The following PLEKHA3 variants were observed in gnomAD, a reference collection of about 807,000 sequenced individuals.
PLEKHA3 encodes the protein pleckstrin homology domain containing A3.
A neutral mutation model predicts 39.2 loss-of-function variants in PLEKHA3; 19 were observed. The ratio of observed to expected loss-of-function variants is 0.48; its 90% CI spans 0.34 to 0.71. The LOEUF (loss-of-function observed/expected upper bound fraction) is 0.71. Among genes scored for constraint, PLEKHA3 ranks in the 30% least tolerant of loss-of-function variants. PLEKHA3 has a pLI of 0.01. For missense variants in PLEKHA3, 253 were observed against 359.5 expected (o/e 0.70, Z 2.40); for synonymous variants, 97 against 118.6 (o/e 0.82, Z 1.18).
At position 178,480,875 on chromosome 2, in the gene PLEKHA3, G is replaced by A. The variant is rs1685149398; in HGVS notation, c.6G>A (p.Glu2=). The change falls in exon 1 of 8, where the codon GAG becomes GAA. Residue 2 remains glutamate (E), a synonymous_variant. Coordinates refer to ENST00000234453, the MANE Select transcript of PLEKHA3 (RefSeq NM_019091.4). M[E]GVLYKWTNYL... ...GCGGTGTGGGGCTCTGAAGCATGGA[G>A]GGGGTGTTGTACAAGTGGACCAACT... The A allele has an allele frequency of 1.1e-5, 14 of 1,317,472 alleles. No homozygotes were observed. Among genetic ancestry groups the A allele is most frequent in the Non-Finnish European group, 1.2e-5 (12 of 1,024,714 alleles). 81.6% of individuals were successfully genotyped at this position (1,317,472 alleles called of 1,614,324 possible).
Position 178,495,613 on chromosome 2 carries a change from C to A in PLEKHA3, c.568C>A (p.His190Asn). ...KFKPEMFQLHHPDPLVSPVSP... is the reference protein window; with the variant it reads ...KFKPEMFQLHNPDPLVSPVSP... ...TAAACCTGAGATGTTTCAACTGCACCATCCGGATCCCTTAGTTTCTCCTGT... is the reference window on the plus strand; with the variant it reads ...TAAACCTGAGATGTTTCAACTGCACAATCCGGATCCCTTAGTTTCTCCTGT... The change falls in exon 5 of 8, where the codon CAT (histidine) becomes AAT (asparagine). Residue 190 changes from histidine (H) to asparagine (N), a missense_variant. His to Asn is a moderately conservative substitution (Grantham distance 68). Around this residue, in one of 2 missense-constraint regions of PLEKHA3, gnomAD observed 127 missense variants for 136.8 expected, o/e 0.93. Coordinates refer to ENST00000234453, the MANE Select transcript of PLEKHA3 (RefSeq NM_019091.4). The A allele has an allele frequency of 5.0e-6, 8 of 1,613,590 alleles. No individual in the cohort carries two copies. Among genetic ancestry groups the A allele is most frequent in the Non-Finnish European group, 5.9e-6 (7 of 1,179,752 alleles).
At chr2:178,503,039 G>T (rs540788876) in intron 7 of PLEKHA3, among the ~76,000 whole-genome samples, 1 of 152,076 alleles carries the variant, frequency 6.6e-6, no homozygotes, top group Admixed American at 6.6e-5. Context: ...TATTCTTCTT[G>T]TGAGATGCAA....
At chr2:178,492,356 T>C (rs1337438765) in intron 3 of PLEKHA3, among the ~76,000 whole-genome samples, 1 of 151,436 alleles carries the variant, frequency 6.6e-6, no homozygotes, top group Non-Finnish European at 1.5e-5. Flanking sequence ...GGTAGAGGAA[T>C]GGATAAACAA....
chr2:178,493,875 G>T lies in PLEKHA3; in HGVS notation c.336G>T (p.Ser112=). ...CAGAAATAAGTGAAACCAGTGAATC[G>T]CTGAAAACCAAAATGTCTGAACTTC... The part of the protein sequence containing the change: ...KEKEISETSE[S]LKTKMSELRL... The change falls in exon 4 of 8, where the codon TCG becomes TCT. Residue 112 remains serine, a synonymous_variant. Transcript: ENST00000234453. 1 of 1,613,072 alleles carries T rather than the reference G, an allele frequency of 6.2e-7. No individual in the cohort carries two copies. The highest frequency in any genetic ancestry group is 8.5e-7 in the Non-Finnish European group (1 of 1,179,412).
At chr2:178,486,349 G>A (rs569919752) in intron 2 of PLEKHA3, among the ~76,000 whole-genome samples, 7 of 152,228 alleles carry the variant, frequency 4.6e-5, no homozygotes, top group Non-Finnish European at 8.8e-5. Context: ...GGGTGGAGGC[G>A]AAATCAGATA....
At chr2:178,485,905 TC>T in intron 2 of PLEKHA3, 148 bp downstream of exon 2, 1 of 588,554 alleles carries the variant, frequency 1.7e-6, no homozygotes, top group South Asian at 2.5e-5. Flanking sequence ...TGGCATTTCA[TC>T]ACAGTTAACA....
In PLEKHA3 at chr2:178,514,586, A is replaced by C. The variant is rs912323950; in HGVS notation, c.*10699A>C. ...GCTAAGTGCATATGTATGTATAAGT[A>C]ATGTGTATATCCTTCACTTATTAAT... On this transcript the variant is annotated 3_prime_UTR_variant, in exon 8 of 8. Coordinates refer to ENST00000234453, the MANE Select transcript of PLEKHA3 (RefSeq NM_019091.4). 3.3e-5 allele frequency: 5 copies of C among 152,140 alleles called. No individual in the cohort carries two copies. Among genetic ancestry groups the C allele is most frequent in the African/African-American group, 4.8e-5 (2 of 41,438 alleles). 9.4% of individuals were successfully genotyped at this position (152,140 alleles called of 1,614,324 possible).
rs1337086271 is a variant in PLEKHA3 at position 178,508,930 on chromosome 2, T to G, written c.*5043T>G. 1 of 153,806 alleles carries G rather than the reference T, an allele frequency of 6.5e-6. No homozygotes were observed. The highest frequency in any genetic ancestry group is 2.4e-5 in the African/African-American group (1 of 41,442). 9.5% of individuals were successfully genotyped at this position (153,806 alleles called of 1,614,324 possible). ...TTTATACAGACTTCTAGTCCTGATT[T>G]CAGCCCTATACCTCACTCTCATCTT... is the stretch of plus-strand genomic sequence containing the variant. On this transcript the variant is annotated 3_prime_UTR_variant, in exon 8 of 8. Transcript: ENST00000234453.
At chr2:178,499,661 C>A (rs1685499153) in intron 6 of PLEKHA3, among the ~76,000 whole-genome samples, 1 of 152,118 alleles carries the variant, frequency 6.6e-6, no homozygotes, top group Non-Finnish European at 1.5e-5. Context: ...ACCATTGTTA[C>A]AGTCACCCAC....
At chr2:178,484,252 C>G (rs1034173866) in intron 1 of PLEKHA3, among the ~76,000 whole-genome samples, 5 of 152,076 alleles carry the variant, frequency 3.3e-5, no homozygotes, top group African/African-American at 4.8e-5. Context: ...GTCCATGTAC[C>G]AAAATAACTT....
intron 2 of PLEKHA3, among the ~76,000 whole-genome samples, chr2:178,489,329 A>G (rs1438830450): frequency 6.6e-6 from 1 of 152,178 alleles, no homozygotes; most frequent in African/African-American, 2.4e-5. Context: ...CATCTGGTCA[A>G]TATTTATAGC....
In PLEKHA3 at chr2:178,494,357, T is replaced by C. The variant is rs141118418; in HGVS notation, c.450+368T>C. ...AAGGTCCCTGCTTCAACTATGAGAG[T>C]TGATAACTTATCTTTATGAAATAAC... On this transcript the variant is annotated intron_variant, in intron 4 of 7. Coordinates refer to ENST00000234453, the MANE Select transcript of PLEKHA3 (RefSeq NM_019091.4). 1.5e-3 allele frequency among the ~76,000 whole-genome samples: 225 copies of C among 152,226 alleles called. 5 individuals carry two copies. The South Asian group carries it at 0.022, about 15-fold the overall frequency.
chr2:178,481,032 T>G, intron 1 of PLEKHA3, 123 bp downstream of exon 1: 6 of 882,502 alleles, frequency 6.8e-6, no homozygotes, highest in Non-Finnish European at 9.3e-6. Flanking sequence ...CTCTACTCGA[T>G]TCCAGGGCTT....
Position 178,480,826 on chromosome 2 carries a change from G to A in PLEKHA3, c.-44G>A. 7.6e-7 allele frequency: 1 copy of A among 1,315,214 alleles called. No homozygotes were observed. Among genetic ancestry groups the A allele is most frequent in the Non-Finnish European group, 9.8e-7 (1 of 1,023,092 alleles). 81.5% of individuals were successfully genotyped at this position (1,315,214 alleles called of 1,614,324 possible). On this transcript the variant is annotated 5_prime_UTR_variant, in exon 1 of 8. Transcript: ENST00000234453. ...GCCCTGCGCCTACCCCATCACCGCG[G>A]CCGGCGCCGGGCCGGGAGGATGCGC...
rs1447583941 is a variant in PLEKHA3 at position 178,496,033 on chromosome 2, A to G, written c.615+373A>G. Among the ~76,000 whole-genome samples, 4 of 152,198 alleles carry G rather than the reference A, an allele frequency of 2.6e-5. No homozygotes were observed. In the South Asian group the frequency reaches 8.3e-4, roughly 31 times the overall value. ...GAGATTTTAGTCACAATGGGGTACA[A>G]TTACGTATATCTTTAAAGGAGTTAG... On this transcript the variant is annotated intron_variant, in intron 5 of 7. Coordinates refer to ENST00000234453, the MANE Select transcript of PLEKHA3 (RefSeq NM_019091.4).
At chr2:178,483,141 C>A (rs1387533708) in intron 1 of PLEKHA3, among the ~76,000 whole-genome samples, 1 of 152,038 alleles carries the variant, frequency 6.6e-6, no homozygotes, top group Non-Finnish European at 1.5e-5. Flanking sequence ...CACCTGTAGT[C>A]CTAGCTACTT....
intron 3 of PLEKHA3, among the ~76,000 whole-genome samples, 159 bp from the exon 4 acceptor site, chr2:178,493,694 A>T (rs1358600408): frequency 6.6e-6 from 1 of 152,244 alleles, no homozygotes; most frequent in Non-Finnish European, 1.5e-5. Flanking sequence ...TCTGAAGAGA[A>T]GATGTTTCCT....
chr2:178,500,870 C>G (rs758673715), intron 6 of PLEKHA3, among the ~76,000 whole-genome samples, 191 bp from the exon 7 acceptor site: 1 of 152,014 alleles, frequency 6.6e-6, no homozygotes, highest in Non-Finnish European at 1.5e-5. Flanking sequence ...AAGCCATATT[C>G]TCCAGGTTAC....
At chr2:178,490,606 C>A (rs966728488) in intron 2 of PLEKHA3, 53 bp from the exon 3 acceptor site, 6 of 1,529,342 alleles carry the variant, frequency 3.9e-6, no homozygotes, top group Non-Finnish European at 4.5e-6. Flanking sequence ...TATTTGATTA[C>A]CCTTAAATTA....
Sources: allele counts gnomAD v4.1 joint callset (sites outside exome capture counted in the v4.1 genomes callset), GRCh38; gene constraint gnomAD v4.1.1; regional missense constraint gnomAD v4.1.1; transcripts MANE v1.5; gene names NCBI Gene and HGNC (gene_info 2026-07-23, HGNC 2026-07-21).